Variants in PUM1 observed in about 807,000 individuals in gnomAD.
PUM1 encodes pumilio RNA binding family member 1.
In PUM1, 13 loss-of-function variants were observed where a neutral mutation model predicts 131.8. That is an observed-to-expected ratio of 0.10 (90% CI 0.06 to 0.16). PUM1 has a LOEUF of 0.16. Among genes scored for constraint, PUM1 ranks in the 10% least tolerant of loss-of-function variants. The pLI is 1.00. For missense variants in PUM1, 961 were observed against 1,512.4 expected (o/e 0.64, Z 6.05); for synonymous variants, 509 against 556.5 (o/e 0.91, Z 1.20).
chr1:31,039,965 C>G (rs757265249), intron 2 of PUM1, among the ~76,000 whole-genome samples: 6 of 152,002 alleles, frequency 3.9e-5, no homozygotes, highest in African/African-American at 1.2e-4. Flanking sequence ...AATCCCTGGG[C>G]GACAAGAGCG....
chr1:30,941,453 G>A (rs1639435999), intron 19 of PUM1, among the ~76,000 whole-genome samples, 181 bp from the exon 20 acceptor site: 1 of 152,094 alleles, frequency 6.6e-6, no homozygotes, highest in African/African-American at 2.4e-5. Context: ...TTACAAAACA[G>A]GAACATATTA....
rs1275972546 is a variant in PUM1 at position 30,966,241 on chromosome 1, A to T, written c.1827T>A (p.Ala609=). 1 of 1,608,616 alleles carries T rather than the reference A, an allele frequency of 6.2e-7. No individual in the cohort carries two copies. The highest frequency in any genetic ancestry group is 1.7e-5 in the Admixed American group (1 of 59,792). ...AAAAASANGA[A]GGLAGTTNGP... ...CATTTGTTGTTCCAGCAAGACCACC[A>T]GCTGCTCCATTTGCTGAAGCTGCGG... The change falls in exon 13 of 22, where the codon GCT becomes GCA. Residue 609 remains alanine (A), a synonymous_variant. Coordinates refer to ENST00000426105, the MANE Select transcript of PUM1 (RefSeq NM_001020658.2).
intron 3 of PUM1, among the ~76,000 whole-genome samples, chr1:31,011,259 T>A (rs1642608585): frequency 6.6e-6 from 1 of 151,892 alleles, no homozygotes; most frequent in Admixed American, 6.6e-5. Context: ...GCAATAACAC[T>A]GTTGTGAATA....
chr1:31,005,526 C>T (rs898540738), intron 5 of PUM1, among the ~76,000 whole-genome samples: 1 of 152,046 alleles, frequency 6.6e-6, no homozygotes, highest in African/African-American at 2.4e-5. Flanking sequence ...CTTCACCACC[C>T]CCCTTTTGCT....
chr1:31,029,370 T>C (rs1338428381), intron 2 of PUM1, among the ~76,000 whole-genome samples: 3 of 152,174 alleles, frequency 2.0e-5, no homozygotes, highest in African/African-American at 7.2e-5. Context: ...CCAATATCTC[T>C]CCATATTGGG....
intron 1 of PUM1, among the ~76,000 whole-genome samples, chr1:31,064,926 G>A (rs988712242): frequency 2.0e-5 from 3 of 151,758 alleles, no homozygotes; most frequent in Non-Finnish European, 4.4e-5. Context: ...ACTAGCAAGG[G>A]GTGAACCCCT....
At chr1:30,950,400 T>G in intron 16 of PUM1, 139 bp from the exon 17 acceptor site, 1 of 815,230 alleles carries the variant, frequency 1.2e-6, no homozygotes, top group Non-Finnish European at 1.8e-6. Context: ...AAACCTTTTA[T>G]TTAAAGAGCC....
intron 1 of PUM1, among the ~76,000 whole-genome samples, chr1:31,060,785 C>T (rs148433005): frequency 0.072 from 10,925 of 151,712 alleles, 650 homozygotes; most frequent in East Asian, 0.29. Flanking sequence ...ACTTGGGAAG[C>T]TGAGGCAGGA....
chr1:31,058,185 T>TTTCACTTGAGCAGCTGATGTTATCAAC, intron 2 of PUM1, among the ~76,000 whole-genome samples: 1 of 152,166 alleles, frequency 6.6e-6, no homozygotes, highest in Admixed American at 6.5e-5. Context: ...TTCAAATAAA[T>TTTCACTTGAGCAGCTGATGTTATCAAC]TTCACTTGAG....
chr1:31,053,394 G>A (rs1188264239), intron 2 of PUM1, among the ~76,000 whole-genome samples: 4 of 148,598 alleles, frequency 2.7e-5, no homozygotes, highest in African/African-American at 5.0e-5. Context: ...ACTTCCCTCC[G>A]AAGACCTCAG....
chr1:31,043,177 G>A (rs1395692678), intron 2 of PUM1, among the ~76,000 whole-genome samples: 4 of 151,908 alleles, frequency 2.6e-5, no homozygotes, highest in Non-Finnish European at 5.9e-5. Context: ...GAAGCAATTT[G>A]ACTCAATAAA....
chr1:30,941,962 A>G (rs757974106), intron 19 of PUM1, 36 bp downstream of exon 19: 3 of 1,510,678 alleles, frequency 2.0e-6, no homozygotes, highest in Admixed American at 1.7e-5. Context: ...ACAAGCCCAC[A>G]GGTGTTCGCA....
chr1:31,009,017 CA>C lies in PUM1; in HGVS notation c.433-1916del, dbSNP rs57893493. Among the ~76,000 whole-genome samples the C allele has an allele frequency of 5.2e-3, 632 of 121,764 alleles. 1 individual carries two copies. The highest frequency in any genetic ancestry group is 0.021 in the Middle Eastern group (5 of 238). The allele number at this position is 121,764 out of a possible 152,430, so 79.9% of individuals were successfully genotyped here. On this transcript the variant is annotated intron_variant, in intron 3 of 21. Coordinates refer to ENST00000426105, the MANE Select transcript of PUM1 (RefSeq NM_001020658.2). Reference sequence around the variant, plus strand: ...CGAAACCCTGTCTTTACTAAAAATACAAAAAAAAAAAAAAAATTGGCCGGGC... The same window carrying C: ...CGAAACCCTGTCTTTACTAAAAATACAAAAAAAAAAAAAAATTGGCCGGGC...
At chr1:31,058,622 A>C (rs61780506) in intron 2 of PUM1, among the ~76,000 whole-genome samples, 10,638 of 145,420 alleles carry the variant, frequency 0.073, 619 homozygotes, top group East Asian at 0.28. Context: ...AGATCGCGCC[A>C]GTGCACTCCA....
chr1:31,000,227 TA>T (rs1057094997), intron 5 of PUM1, among the ~76,000 whole-genome samples: 2 of 152,236 alleles, frequency 1.3e-5, no homozygotes, highest in African/African-American at 4.8e-5. Context: ...GTACATACAG[TA>T]CTGGAAAAGT....
chr1:31,014,237 G>C (rs188193352), intron 3 of PUM1, among the ~76,000 whole-genome samples: 2 of 149,022 alleles, frequency 1.3e-5, no homozygotes, highest in East Asian at 4.0e-4. Flanking sequence ...GGAGGTCAAG[G>C]CTGCAGTGAG....
chr1:31,046,155 G>A (rs12746021), intron 2 of PUM1, among the ~76,000 whole-genome samples: 11,028 of 152,056 alleles, frequency 0.073, 561 homozygotes, highest in South Asian at 0.15. Context: ...GGGAGGCCAA[G>A]GTGGGCAGAT....
chr1:31,049,986 C>T (rs1025454643), intron 2 of PUM1, among the ~76,000 whole-genome samples: 1 of 151,520 alleles, frequency 6.6e-6, no homozygotes, highest in Non-Finnish European at 1.5e-5. Context: ...CCCGCCAACA[C>T]ACCTGGCTAA....
At chr1:31,062,182 A>G (rs371816502) in intron 1 of PUM1, among the ~76,000 whole-genome samples, 20 of 152,300 alleles carry the variant, frequency 1.3e-4, no homozygotes, top group African/African-American at 4.3e-4. Flanking sequence ...TAACTCAACA[A>G]TATGTCTCAT....
Sources: allele counts gnomAD v4.1 joint callset (sites outside exome capture counted in the v4.1 genomes callset), GRCh38; gene constraint gnomAD v4.1.1; transcripts MANE v1.5; gene names NCBI Gene and HGNC (gene_info 2026-07-23, HGNC 2026-07-21).